The following BBOX1 variants were observed in gnomAD, a reference collection of about 807,000 sequenced individuals.
BBOX1 encodes gamma-butyrobetaine hydroxylase 1, also known as gamma-butyrobetaine dioxygenase.
Under a neutral mutation model 41.6 loss-of-function variants are expected in BBOX1, and 35 were observed. That is an observed-to-expected ratio of 0.84 (90% confidence interval 0.64 to 1.11). The LOEUF is 1.11. BBOX1 is among the 50% of genes most tolerant of loss of function. The pLI, the probability that BBOX1 is intolerant of heterozygous loss-of-function variation, is 0.00. For missense variants in BBOX1, 458 were observed against 460.6 expected (o/e 0.99, Z 0.05); for synonymous variants, 163 against 154.7 (o/e 1.05, Z -0.40).
chr11:27,089,580 G>A (rs976827262), intron 4 of BBOX1, among the ~76,000 whole-genome samples: 2 of 151,986 alleles, frequency 1.3e-5, no homozygotes, highest in African/African-American at 4.8e-5. Flanking sequence ...ATTTTCAGCT[G>A]CTATTTAGGC....
chr11:27,119,643 T>C lies in BBOX1; in HGVS notation c.640-6T>C. 7.2e-7 allele frequency: 1 copy of C among 1,380,510 alleles called. No individual in the cohort carries two copies. Among genetic ancestry groups the C allele is most frequent in the Non-Finnish European group, 9.4e-7 (1 of 1,061,868 alleles). 85.5% of individuals were successfully genotyped at this position (1,380,510 alleles called of 1,614,324 possible). On this transcript the variant is annotated splice_polypyrimidine_tract_variant and splice_region_variant and intron_variant, in intron 6 of 8. Coordinates refer to ENST00000263182, the MANE Select transcript of BBOX1 (RefSeq NM_003986.3). ...TTATTTAATAATGCATATTTTCTTTTTATAGGTTCAGCTTCTTCACTGCAT... is the reference window on the plus strand; with the variant it reads ...TTATTTAATAATGCATATTTTCTTTCTATAGGTTCAGCTTCTTCACTGCAT...
chr11:27,121,996 A>C (rs1362061389), intron 7 of BBOX1, among the ~76,000 whole-genome samples: 1 of 152,178 alleles, frequency 6.6e-6, no homozygotes, highest in East Asian at 1.9e-4. Flanking sequence ...AATAAATATC[A>C]AGTGGTTAAC....
At chr11:27,082,894 A>C (rs146085633) in intron 4 of BBOX1, among the ~76,000 whole-genome samples, 1 of 152,054 alleles carries the variant, frequency 6.6e-6, no homozygotes, top group South Asian at 2.1e-4. Flanking sequence ...CTATGTTAGT[A>C]TTAGTGTTTC....
chr11:27,086,053 G>T (rs1212453698), intron 4 of BBOX1, among the ~76,000 whole-genome samples: 1 of 152,064 alleles, frequency 6.6e-6, no homozygotes, highest in African/African-American at 2.4e-5. Flanking sequence ...CAGTAGCAGA[G>T]GTTGGTTCAT....
intron 7 of BBOX1, among the ~76,000 whole-genome samples, chr11:27,122,327 T>C (rs923475876): frequency 1.3e-5 from 2 of 152,086 alleles, no homozygotes; most frequent in African/African-American, 4.8e-5. Flanking sequence ...ATGTGATTAT[T>C]TACCCTTGCT....
chr11:27,042,656 T>C (rs758639008), intron 2 of BBOX1, among the ~76,000 whole-genome samples: 2 of 152,194 alleles, frequency 1.3e-5, no homozygotes, highest in African/African-American at 4.8e-5. Context: ...AATTGCTTTA[T>C]AGAATTCATT....
At chr11:27,066,671 GAAAAAAA>G (rs79136837) in intron 4 of BBOX1, 3 of 124,226 alleles carry the variant, frequency 2.4e-5, no homozygotes, top group South Asian at 5.0e-4. Flanking sequence ...CCCTTCAGGG[GAAAAAAA>G]AAAAAAAAAA....
chr11:27,056,545 C>G (rs766306978), intron 3 of BBOX1, among the ~76,000 whole-genome samples: 1 of 152,066 alleles, frequency 6.6e-6, no homozygotes, highest in Non-Finnish European at 1.5e-5. Flanking sequence ...CATAAGCCAC[C>G]ACACCCAGCT....
chr11:27,062,747 G>A (rs1284151415), intron 4 of BBOX1, among the ~76,000 whole-genome samples: 3 of 152,126 alleles, frequency 2.0e-5, no homozygotes, highest in African/African-American at 7.2e-5. Context: ...ATTTTTAGTA[G>A]AGATGGGGTT....
chr11:27,084,599 T>G (rs1300945345), intron 4 of BBOX1, among the ~76,000 whole-genome samples: 1 of 152,102 alleles, frequency 6.6e-6, no homozygotes. Context: ...AGTAAGAGAT[T>G]GGCTGATCCC....
At chr11:27,048,532 T>TGATA (rs59647951) in intron 2 of BBOX1, among the ~76,000 whole-genome samples, 3,288 of 150,294 alleles carry the variant, frequency 0.022, 114 homozygotes, top group African/African-American at 0.066. Context: ...GATAGATAGA[T>TGATA]GATAGATAGA....
chr11:27,077,932 T>C (rs1364067203), intron 4 of BBOX1, among the ~76,000 whole-genome samples: 4 of 152,058 alleles, frequency 2.6e-5, no homozygotes, highest in Non-Finnish European at 5.9e-5. Context: ...GCAATCCCCC[T>C]GAGGCTCACA....
chr11:27,110,261 A>G (rs1467307741), intron 5 of BBOX1, among the ~76,000 whole-genome samples: 1 of 151,920 alleles, frequency 6.6e-6, no homozygotes, highest in Non-Finnish European at 1.5e-5. Context: ...TCCCAGTACC[A>G]TCTACCCCTT....
chr11:27,084,209 A>G (rs1046187751), intron 4 of BBOX1, among the ~76,000 whole-genome samples: 2 of 152,180 alleles, frequency 1.3e-5, no homozygotes, highest in Non-Finnish European at 2.9e-5. Context: ...CAGTGTCCCT[A>G]TGAAGTCCAG....
intron 6 of BBOX1, among the ~76,000 whole-genome samples, chr11:27,118,503 G>C (rs183128178): frequency 6.6e-6 from 1 of 152,070 alleles, no homozygotes; most frequent in Non-Finnish European, 1.5e-5. Context: ...CAGAGATAAG[G>C]CACCACATCT....
chr11:27,045,657 C>G (rs10767595), intron 2 of BBOX1, among the ~76,000 whole-genome samples: 79,795 of 151,900 alleles, frequency 0.53, 21,305 homozygotes, highest in African/African-American at 0.63. Context: ...TGAATTTTAT[C>G]GAAGCATCAT....
intron 2 of BBOX1, among the ~76,000 whole-genome samples, chr11:27,046,900 A>G (rs1047360923): frequency 3.2e-5 from 4 of 125,020 alleles, no homozygotes; most frequent in Non-Finnish European, 4.9e-5. Context: ...ATTTGCTTTT[A>G]AACACTGATG....
intron 5 of BBOX1, among the ~76,000 whole-genome samples, chr11:27,096,476 T>C (rs1858441375): frequency 6.6e-6 from 1 of 151,978 alleles, no homozygotes; most frequent in African/African-American, 2.4e-5. Flanking sequence ...CCATGCAGAT[T>C]TTTCAAGGAA....
chr11:27,047,756 A>T (rs1219290055), intron 2 of BBOX1, among the ~76,000 whole-genome samples: 1 of 151,988 alleles, frequency 6.6e-6, no homozygotes, highest in Non-Finnish European at 1.5e-5. Context: ...GGGTAATTAC[A>T]GTAGATTTTT....
Sources: allele counts gnomAD v4.1 joint callset (sites outside exome capture counted in the v4.1 genomes callset), GRCh38; gene constraint gnomAD v4.1.1; transcripts MANE v1.5; gene names NCBI Gene and HGNC (gene_info 2026-07-23, HGNC 2026-07-21).